Variants in LRBA observed in about 807,000 individuals in gnomAD.
LRBA encodes lipopolysaccharide-responsive and beige-like anchor protein.
Under a neutral mutation model 330.0 loss-of-function variants are expected in LRBA, and 176 were observed. That is an observed-to-expected ratio of 0.53 (90% CI 0.47 to 0.60). The LOEUF (loss-of-function observed/expected upper bound fraction) is 0.60, where lower values mean the gene tolerates loss of function less well. Ranked by LOEUF, LRBA falls within the 20% of genes least tolerant of loss-of-function variation. The probability of loss-of-function intolerance (pLI) is 0.00; values close to 1 mark genes in which losing one functional copy is unlikely to be tolerated. For missense variants in LRBA, 3,259 were observed against 3,444.8 expected (o/e 0.95, Z 1.35); for synonymous variants, 1,230 against 1,193.0 (o/e 1.03, Z -0.64).
At chr4:150,415,371 C>A in intron 47 of LRBA, 67 bp downstream of exon 47, 2 of 1,448,604 alleles carry the variant, frequency 1.4e-6, no homozygotes, top group South Asian at 1.3e-5. Flanking sequence ...AATGATTATA[C>A]ACCAACACAT....
chr4:150,934,245 G>A (rs755224884), intron 2 of LRBA, among the ~76,000 whole-genome samples: 7 of 152,196 alleles, frequency 4.6e-5, no homozygotes, highest in Non-Finnish European at 7.3e-5. Context: ...CAGGCACCAT[G>A]CAATCAGAAC....
intron 34 of LRBA, among the ~76,000 whole-genome samples, chr4:150,783,523 C>T (rs1299682761): frequency 2.6e-5 from 4 of 152,174 alleles, no homozygotes; most frequent in Non-Finnish European, 5.9e-5. Context: ...AGCCAGCAAA[C>T]AAGGCAGTAC....
At position 151,014,526 on chromosome 4, in the gene LRBA, G is replaced by A. The variant is rs2149682088; in HGVS notation, c.117C>T (p.Leu39=). ...ATTTCATTCTGATGCCCCTGATGGG[G>A]AGCCCTGGTTTCAGAGACAATGCAC... The part of the protein sequence containing the change: ...EGGALSLKPG[L]PIRGIRMKFA... Residue 39 remains leucine, a synonymous_variant, in exon 2 of 57, where the codon CTC becomes CTT. Coordinates refer to ENST00000651943, the MANE Select transcript of LRBA (RefSeq NM_001364905.1). 6.2e-7 allele frequency: 1 copy of A among 1,614,132 alleles called. No individual in the cohort carries two copies. Among genetic ancestry groups the A allele is most frequent in the East Asian group, 2.2e-5 (1 of 44,884 alleles).
chr4:150,516,705 T>TA (rs60322733), intron 40 of LRBA, among the ~76,000 whole-genome samples: 5 of 151,624 alleles, frequency 3.3e-5, no homozygotes, highest in Non-Finnish European at 5.9e-5. Flanking sequence ...CCAGAAACAA[T>TA]AAAAAAATTA....
intron 40 of LRBA, among the ~76,000 whole-genome samples, chr4:150,503,152 G>A (rs112087902): frequency 0.15 from 23,329 of 152,234 alleles, 1,811 homozygotes; most frequent in Middle Eastern, 0.18. Flanking sequence ...CAAAATGACA[G>A]CAGTAACCTC....
At chr4:150,979,385 A>C (rs973577353) in intron 2 of LRBA, among the ~76,000 whole-genome samples, 5 of 152,232 alleles carry the variant, frequency 3.3e-5, no homozygotes, top group African/African-American at 9.6e-5. Flanking sequence ...AAGAAATGCT[A>C]AAGGAAGTTA....
chr4:150,840,901 T>A (rs1748975771), intron 28 of LRBA: 1 of 1,060,000 alleles, frequency 9.4e-7, no homozygotes, highest in African/African-American at 1.7e-5. Flanking sequence ...TAATACTTAA[T>A]GTCAAAAATT....
intron 5 of LRBA, among the ~76,000 whole-genome samples, chr4:150,917,827 G>A (rs558479248): frequency 7.6e-4 from 116 of 152,144 alleles, no homozygotes; most frequent in Non-Finnish European, 8.8e-4. Context: ...TACTCAGGAG[G>A]GTGAGGCAGG....
chr4:150,665,010 T>C (rs1781448094), intron 37 of LRBA, among the ~76,000 whole-genome samples: 1 of 152,218 alleles, frequency 6.6e-6, no homozygotes, highest in Non-Finnish European at 1.5e-5. Context: ...TTCATGGCTA[T>C]GACTTCCTGA....
At chr4:150,291,787 G>T (rs1397414591) in intron 53 of LRBA, among the ~76,000 whole-genome samples, 2 of 149,678 alleles carry the variant, frequency 1.3e-5, no homozygotes, top group South Asian at 2.2e-4. Flanking sequence ...TGTTTATTGC[G>T]GCATTATTCA....
chr4:150,771,230 GT>G (rs1227214045), intron 34 of LRBA, among the ~76,000 whole-genome samples: 1 of 152,174 alleles, frequency 6.6e-6, no homozygotes, highest in Admixed American at 6.5e-5. Context: ...ATTTCTACCT[GT>G]TGATTCCTGG....
intron 44 of LRBA, among the ~76,000 whole-genome samples, chr4:150,453,131 T>C (rs1464486534): frequency 6.6e-6 from 1 of 152,178 alleles, no homozygotes; most frequent in South Asian, 2.1e-4. Flanking sequence ...CAAAATGATC[T>C]ACAGATTGAA....
intron 53 of LRBA, among the ~76,000 whole-genome samples, chr4:150,295,754 C>A (rs142712093): frequency 6.6e-6 from 1 of 152,330 alleles, no homozygotes; most frequent in Non-Finnish European, 1.5e-5. Context: ...CTTAGCAATA[C>A]AAAGAGTGTA....
chr4:150,451,765 T>C (rs1266762069), intron 44 of LRBA, among the ~76,000 whole-genome samples: 1 of 152,090 alleles, frequency 6.6e-6, no homozygotes, highest in Non-Finnish European at 1.5e-5. Context: ...CTAACCAGAC[T>C]GGTCCAGAGG....
intron 40 of LRBA, among the ~76,000 whole-genome samples, chr4:150,512,905 A>G (rs898356708): frequency 2.0e-5 from 3 of 152,204 alleles, no homozygotes; most frequent in Non-Finnish European, 4.4e-5. Context: ...CAAGAAAACA[A>G]ATGTGATAGA....
At chr4:150,947,983 A>C (rs904734963) in intron 2 of LRBA, among the ~76,000 whole-genome samples, 1 of 152,066 alleles carries the variant, frequency 6.6e-6, no homozygotes, top group African/African-American at 2.4e-5. Flanking sequence ...TAATATGATG[A>C]TGAAAGAAAT....
At chr4:150,631,318 A>AT (rs1193078032) in intron 37 of LRBA, among the ~76,000 whole-genome samples, 1 of 152,052 alleles carries the variant, frequency 6.6e-6, no homozygotes, top group Non-Finnish European at 1.5e-5. Flanking sequence ...CATTCCTAAC[A>AT]TTTTTATTAG....
chr4:150,504,726 C>A (rs529403907), intron 40 of LRBA, among the ~76,000 whole-genome samples: 1 of 152,230 alleles, frequency 6.6e-6, no homozygotes, highest in Non-Finnish European at 1.5e-5. Flanking sequence ...ATGACAGGAT[C>A]AAATTCACAC....
chr4:150,310,278 G>A lies in LRBA; in HGVS notation c.7800C>T (p.Leu2600=), dbSNP rs367857437. 44 of 1,612,346 alleles carry A rather than the reference G, an allele frequency of 2.7e-5. No individual in the cohort carries two copies. The highest frequency in any genetic ancestry group is 3.6e-5 in the Non-Finnish European group (42 of 1,178,710). Reference sequence around the variant, plus strand: ...AACTTTTATCCCAGAAGCCACAGACGAGAATATAGCGGTTGTCTGAAGTGA... The same window carrying A: ...AACTTTTATCCCAGAAGCCACAGACAAGAATATAGCGGTTGTCTGAAGTGA... ...FVITSDNRYI[L]VCGFWDKSFR... is the part of the protein sequence containing the mutation. The change falls in exon 52 of 57, where the codon CTC becomes CTT. Residue 2600 remains leucine (L), a synonymous_variant. Coordinates refer to ENST00000651943, the MANE Select transcript of LRBA (RefSeq NM_001364905.1).
Sources: gnomAD v4.1 joint callset for allele counts (sites outside exome capture counted in the v4.1 genomes callset) on GRCh38, gnomAD v4.1.1 for gene constraint, MANE v1.5 for transcripts, NCBI Gene and HGNC (gene_info 2026-07-23, HGNC 2026-07-21) for gene names.